Variants in EPS8 observed in about 807,000 individuals in gnomAD.
EPS8 encodes the protein EGFR pathway substrate 8, signaling adaptor.
EPS8 carries 42 observed loss-of-function variants against 103.8 expected under a neutral mutation model. The observed-to-expected ratio is 0.40, with a 90% CI of 0.32 to 0.52. The LOEUF is 0.52. Among genes scored for constraint, EPS8 ranks in the 20% least tolerant of loss-of-function variants. The probability of loss-of-function intolerance (pLI) is 0.40; values close to 1 mark genes in which losing one functional copy is unlikely to be tolerated. For missense variants in EPS8, 969 were observed against 1,005.1 expected (o/e 0.96, Z 0.49); for synonymous variants, 344 against 344.6 (o/e 1.00, Z 0.02).
intron 3 of EPS8, among the ~76,000 whole-genome samples, chr12:15,676,058 G>A (rs1444168193): frequency 1.3e-5 from 2 of 151,900 alleles, no homozygotes; most frequent in Non-Finnish European, 1.5e-5. Context: ...AGATCTCAAG[G>A]TCAGGAGATC....
In EPS8 at chr12:15,760,090, A is replaced by T. The variant is rs569791515; in HGVS notation, c.-22+29071T>A. Among the ~76,000 whole-genome samples, 10 of 152,208 alleles carry T rather than the reference A, an allele frequency of 6.6e-5. No homozygotes were observed. Among genetic ancestry groups the T allele is most frequent in the African/African-American group, 2.4e-4 (10 of 41,572 alleles). ...ATACTAAGAAAGAAAGAAAGATCTA[A>T]GTAAATAAAATCAGAGATGAAAAAG... On this transcript the variant is annotated intron_variant, in intron 1 of 20. Coordinates refer to ENST00000281172, the MANE Select transcript of EPS8 (RefSeq NM_004447.6). This position sits in a 1 kb window ranked among gnomAD's most constrained non-coding sequence, Gnocchi z 4.5.
chr12:15,653,236 T>G lies in EPS8; in HGVS notation c.1250+909A>C, dbSNP rs1434369532. ...CCTCTGCCTCCAGTTACTTTTGTCC[T>G]TGTCCTTTCTAGCCTCAACTACCAG... On this transcript the variant is annotated intron_variant, in intron 13 of 20. Transcript: ENST00000281172. Among the ~76,000 whole-genome samples, 4 of 152,218 alleles carry G rather than the reference T, an allele frequency of 2.6e-5. No individual in the cohort carries two copies. The East Asian group carries it at 7.7e-4, about 29-fold the overall frequency.
At chr12:15,676,259 CAAAAAAA>C (rs888576581) in intron 3 of EPS8, among the ~76,000 whole-genome samples, 4 of 16,320 alleles carry the variant, frequency 2.5e-4, no homozygotes, top group Admixed American at 1.5e-3. Flanking sequence ...GACTCCATCT[CAAAAAAA>C]AAAAAAAAAA....
chr12:15,707,390 TTCA>T (rs1946401019), intron 1 of EPS8, among the ~76,000 whole-genome samples: 2 of 152,070 alleles, frequency 1.3e-5, no homozygotes, highest in African/African-American at 2.4e-5. Context: ...CTGCTTTGAG[TTCA>T]TCATTACTCA....
intron 15 of EPS8, among the ~76,000 whole-genome samples, chr12:15,645,335 G>C (rs951709034): frequency 6.6e-6 from 1 of 151,772 alleles, no homozygotes; most frequent in Non-Finnish European, 1.5e-5. Context: ...TTCTCTTTTT[G>C]TTCTGACAGC....
At position 15,771,087 on chromosome 12, in the gene EPS8, A is replaced by T. The variant is rs1947149514; in HGVS notation, c.-22+18074T>A. ...TGCCTAGGCGATCCTGAGAAAAAAA[A>T]TATTAAGTGGGAGAGGTACCAAAGA... is the stretch of plus-strand genomic sequence containing the variant. On this transcript the variant is annotated intron_variant, in intron 1 of 20. Transcript: ENST00000281172. The surrounding 1 kb of genome is among the most constrained non-coding windows in gnomAD (Gnocchi z 4.6). 6.6e-6 allele frequency among the ~76,000 whole-genome samples: 1 copy of T among 152,200 alleles called. No individual in the cohort carries two copies. The highest frequency in any genetic ancestry group is 2.4e-5 in the African/African-American group (1 of 41,458).
At position 15,781,590 on chromosome 12, in the gene EPS8, G is replaced by T. The variant is rs925780175; in HGVS notation, c.-22+7571C>A. On this transcript the variant is annotated intron_variant, in intron 1 of 20. Coordinates refer to ENST00000281172, the MANE Select transcript of EPS8 (RefSeq NM_004447.6). The surrounding 1 kb of genome is among the most constrained non-coding windows in gnomAD (Gnocchi z 4.1). ...CACAAAAGGTACTATTATTATGTGA[G>T]CTGCTCCACCTGCTTCTTGAAGACT... 1 of 152,240 alleles carries T rather than the reference G, an allele frequency of 6.6e-6. No homozygotes were observed. Among genetic ancestry groups the T allele is most frequent in the African/African-American group, 2.4e-5 (1 of 41,456 alleles). 9.4% of individuals were successfully genotyped at this position (152,240 alleles called of 1,614,324 possible). A position where few individuals can be genotyped will look rare whatever the true frequency, so the allele number is the denominator to read the frequency against.
chr12:15,772,580 C>T lies in EPS8; in HGVS notation c.-22+16581G>A, dbSNP rs116390821. Among the ~76,000 whole-genome samples, 1,246 of 152,256 alleles carry T rather than the reference C, an allele frequency of 8.2e-3. 18 individuals are homozygous for T. Among genetic ancestry groups the T allele is most frequent in the African/African-American group, 0.028 (1,163 of 41,530 alleles). On this transcript the variant is annotated intron_variant, in intron 1 of 20. Transcript: ENST00000281172. The surrounding 1 kb of genome is among the most constrained non-coding windows in gnomAD (Gnocchi z 5.0). Reference sequence around the variant, plus strand: ...AATAAATAAATAAATAAAGCATTGGCTCTCACTGCTGCCAACAGATGGTGC... The same window carrying T: ...AATAAATAAATAAATAAAGCATTGGTTCTCACTGCTGCCAACAGATGGTGC...
chr12:15,623,188 GC>G lies in EPS8; in HGVS notation c.2324del (p.Ser775ThrfsTer23). On this transcript the variant is annotated frameshift_variant, in exon 20 of 21. Transcript: ENST00000281172. LOFTEE classifies it high-confidence loss of function. ...ATGCAGCTTTTTGTACAGTGATTTG[GC>G]TATAGACTCTCGCCCCTTCAGGGCA... Reference protein sequence around the residue: ...TVCPEGARVYSQITVQKAALE... With the variant: ...TVCPEGARVYXQITVQKAALE... 6.2e-7 allele frequency: 1 copy of G among 1,611,706 alleles called. No homozygotes were observed. Among genetic ancestry groups the G allele is most frequent in the South Asian group, 1.1e-5 (1 of 90,386 alleles).
intron 12 of EPS8, among the ~76,000 whole-genome samples, chr12:15,654,702 C>T (rs1213435747): frequency 6.6e-6 from 1 of 152,048 alleles, no homozygotes; most frequent in African/African-American, 2.4e-5. Context: ...GAAATGAGTA[C>T]TATCAAGAGA....
In EPS8 at chr12:15,650,890, A is replaced by G; in HGVS notation, c.1367T>C (p.Leu456Pro). The G allele has an allele frequency of 6.2e-7, 1 of 1,614,096 alleles. No homozygotes were observed. Among genetic ancestry groups the G allele is most frequent in the South Asian group, 1.1e-5 (1 of 91,078 alleles). ...TGCTACATTTGCCACAGATTCTGCC[A>G]GTTGATAAAGATCTTGTTCCATTGT... is the stretch of plus-strand genomic sequence containing the variant. ...GATMEQDLYQ[L>P]AESVANVAEH... Residue 456 changes from leucine (L) to proline (P), a missense_variant, in exon 14 of 21, where the codon CTG (leucine) becomes CCG (proline). Coordinates refer to ENST00000281172, the MANE Select transcript of EPS8 (RefSeq NM_004447.6).
In EPS8 at chr12:15,736,403, A is replaced by G. The variant is rs1175115075; in HGVS notation, c.-22+52758T>C. On this transcript the variant is annotated intron_variant, in intron 1 of 20. Coordinates refer to ENST00000281172, the MANE Select transcript of EPS8 (RefSeq NM_004447.6). The surrounding 1 kb of genome is among the most constrained non-coding windows in gnomAD (Gnocchi z 4.2). The stretch of plus-strand genomic sequence containing the variant: ...TTCTGTACAGAGGTTAATATAATAA[A>G]AAATCACTTGCCTGGAGGCCACACA... Among the ~76,000 whole-genome samples the G allele has an allele frequency of 6.6e-6, 1 of 152,204 alleles. No individual in the cohort carries two copies. The highest frequency in any genetic ancestry group is 1.5e-5 in the Non-Finnish European group (1 of 68,038).
At position 15,727,396 on chromosome 12, in the gene EPS8, T is replaced by G. The variant is rs547002725; in HGVS notation, c.-21-44424A>C. Among the ~76,000 whole-genome samples the G allele has an allele frequency of 6.6e-6, 1 of 152,370 alleles. No homozygotes were observed. The highest frequency in any genetic ancestry group is 2.4e-5 in the African/African-American group (1 of 41,596). ...TATCATCCCAAATTCATTGTTTTACTTGTGTCCATCACTCCTCATTCTTGT... is the reference window on the plus strand; with the variant it reads ...TATCATCCCAAATTCATTGTTTTACGTGTGTCCATCACTCCTCATTCTTGT... On this transcript the variant is annotated intron_variant, in intron 1 of 20. Transcript: ENST00000281172. The surrounding 1 kb of genome is among the most constrained non-coding windows in gnomAD (Gnocchi z 4.3).
In EPS8 at chr12:15,651,011, A is replaced by G. The variant is rs1018455877; in HGVS notation, c.1251-5T>C. On this transcript the variant is annotated splice_polypyrimidine_tract_variant and splice_region_variant and intron_variant, in intron 13 of 20. Coordinates refer to ENST00000281172, the MANE Select transcript of EPS8 (RefSeq NM_004447.6). ...TGTTCTTTTGGCCACTCTGCTCTGC[A>G]GGAGGGAATGAAGGCATATAAACAA... 6.2e-7 allele frequency: 1 copy of G among 1,610,394 alleles called. No individual in the cohort carries two copies. Among genetic ancestry groups the G allele is most frequent in the Non-Finnish European group, 8.5e-7 (1 of 1,178,370 alleles).
At chr12:15,740,254 G>T (rs757877439) in intron 1 of EPS8, among the ~76,000 whole-genome samples, 37 of 152,072 alleles carry the variant, frequency 2.4e-4, no homozygotes, top group Non-Finnish European at 4.7e-4. Flanking sequence ...TCACTAAATG[G>T]GAAATTCGTA....
chr12:15,665,965 G>C, intron 7 of EPS8, 73 bp from the exon 8 acceptor site: 1 of 1,445,538 alleles, frequency 6.9e-7, no homozygotes, highest in African/African-American at 1.4e-5. Flanking sequence ...TCAACTTGTG[G>C]TACTAGTTAT....
In EPS8 at chr12:15,690,799, A is replaced by T. The variant is rs1946160902; in HGVS notation, c.-21-7827T>A. Among the ~76,000 whole-genome samples, 1 of 152,174 alleles carries T rather than the reference A, an allele frequency of 6.6e-6. No homozygotes were observed. The highest frequency in any genetic ancestry group is 1.5e-5 in the Non-Finnish European group (1 of 68,036). ...TTCTTAACTGTTCCTTCTTCCTATT[A>T]TCCTATGCCTCTTAACATTTTGCCC... On this transcript the variant is annotated intron_variant, in intron 1 of 20. Coordinates refer to ENST00000281172, the MANE Select transcript of EPS8 (RefSeq NM_004447.6). This position sits in a 1 kb window ranked among gnomAD's most constrained non-coding sequence, Gnocchi z 4.7.
At chr12:15,674,777 C>G (rs1307440068) in intron 3 of EPS8, among the ~76,000 whole-genome samples, 2 of 151,904 alleles carry the variant, frequency 1.3e-5, no homozygotes, top group African/African-American at 4.8e-5. Flanking sequence ...AAACATTTAG[C>G]TCAATTTCCT....
At chr12:15,680,744 G>A (rs1354125067) in intron 3 of EPS8, among the ~76,000 whole-genome samples, 1 of 152,114 alleles carries the variant, frequency 6.6e-6, no homozygotes, top group Non-Finnish European at 1.5e-5. Flanking sequence ...GTATATGTGA[G>A]ACAATCCAGA....
Sources: allele counts gnomAD v4.1 joint callset (sites outside exome capture counted in the v4.1 genomes callset), GRCh38; gene constraint gnomAD v4.1.1; non-coding constraint Gnocchi (gnomAD v3.1); transcripts MANE v1.5; gene names NCBI Gene and HGNC (gene_info 2026-07-23, HGNC 2026-07-21).